Variants in CDH20 observed in about 807,000 individuals in gnomAD.
The protein encoded by CDH20 is cadherin 20.
CDH20 carries 29 observed loss-of-function variants against 74.2 expected under a neutral mutation model. That is an observed-to-expected ratio of 0.39 (90% CI 0.29 to 0.53). The LOEUF (loss-of-function observed/expected upper bound fraction) is 0.53, where lower values mean the gene tolerates loss of function less well. CDH20 is among the 20% of genes least tolerant of loss of function. The pLI, the probability that CDH20 is intolerant of heterozygous loss-of-function variation, is 0.69. For synonymous variants in CDH20, 469 were observed against 405.4 expected, an observed-to-expected ratio of 1.16 and a Z score of -1.88; for missense variants, 988 against 1,048.3, an observed-to-expected ratio of 0.94 and a Z score of 0.79.
intron 10 of CDH20, 75 bp from the exon 11 acceptor site, chr18:61,549,903 G>A: frequency 1.3e-6 from 2 of 1,488,160 alleles, no homozygotes; most frequent in South Asian, 1.2e-5. Context: ...CCCTGCCCCT[G>A]CCCCCTTGCT....
chr18:61,482,107 G>A (rs961435088), intron 1 of CDH20, among the ~76,000 whole-genome samples: 3 of 152,030 alleles, frequency 2.0e-5, no homozygotes, highest in Non-Finnish European at 4.4e-5. Flanking sequence ...ACCAGGACAG[G>A]GAAGCTGGAT....
intron 1 of CDH20, among the ~76,000 whole-genome samples, chr18:61,408,145 C>G (rs1912389954): frequency 6.6e-6 from 1 of 151,472 alleles, no homozygotes; most frequent in Non-Finnish European, 1.5e-5. Context: ...ATTTATGATA[C>G]TGAGTTAATA....
Position 61,442,384 on chromosome 18 carries a change from A to C in CDH20, c.-152-48018A>C, listed in dbSNP as rs78255887. On this transcript the variant is annotated intron_variant, in intron 1 of 11. Transcript: ENST00000262717. ...GAAAAAGAAAAGAAAAAAAAAAAAA[A>C]CAGAAGCAAATGCTGGTCATGAGGA... Among the ~76,000 whole-genome samples, 22 of 150,308 alleles carry C rather than the reference A, an allele frequency of 1.5e-4. 1 individual carries two copies. The highest frequency in any genetic ancestry group is 4.4e-4 in the African/African-American group (18 of 40,774).
At chr18:61,461,935 C>T (rs1342994813) in intron 1 of CDH20, among the ~76,000 whole-genome samples, 3 of 152,096 alleles carry the variant, frequency 2.0e-5, no homozygotes, top group Non-Finnish European at 4.4e-5. Flanking sequence ...TAAATAGTTA[C>T]GAAGTTGCAC....
chr18:61,453,729 T>C (rs1284704767), intron 1 of CDH20, among the ~76,000 whole-genome samples: 1 of 152,214 alleles, frequency 6.6e-6, no homozygotes, highest in Non-Finnish European at 1.5e-5. Context: ...AACTGGGTTG[T>C]TTCTAGTTTG....
chr18:61,405,273 A>G (rs1461411317), intron 1 of CDH20: 6 of 356,828 alleles, frequency 1.7e-5, no homozygotes, highest in African/African-American at 8.8e-5. Context: ...GGAGCGAGAA[A>G]GGCCATTGTC....
chr18:61,493,885 A>C (rs188049890), intron 2 of CDH20, among the ~76,000 whole-genome samples: 14 of 152,264 alleles, frequency 9.2e-5, no homozygotes, highest in African/African-American at 2.9e-4. Context: ...CCTCCTCCCA[A>C]GGGTAGAAAT....
intron 1 of CDH20, among the ~76,000 whole-genome samples, chr18:61,445,686 T>C (rs948386210): frequency 1.3e-5 from 2 of 152,226 alleles, no homozygotes; most frequent in Non-Finnish European, 2.9e-5. Flanking sequence ...GTTTAGTACA[T>C]TGCTAAAACC....
At position 61,554,451 on chromosome 18, in the gene CDH20, C is replaced by T. The variant is rs757927060; in HGVS notation, c.2162C>T (p.Thr721Ile). 1 of 1,613,358 alleles carries T rather than the reference C, an allele frequency of 6.2e-7. No homozygotes were observed. The highest frequency in any genetic ancestry group is 8.5e-7 in the Non-Finnish European group (1 of 1,179,932). Reference sequence around the variant, plus strand: ...CCTCAGACGTGCGCAGTGAACAGCACTGTCCACAGCTACGTGCTGGCCAAG... The same window carrying T: ...CCTCAGACGTGCGCAGTGAACAGCATTGTCCACAGCTACGTGCTGGCCAAG... ...YVPQTCAVNS[T>I]VHSYVLAKLY... is the part of the protein sequence containing the mutation. Residue 721 changes from threonine to isoleucine, a missense_variant, in exon 12 of 12, where the codon ACT (threonine) becomes ATT (isoleucine). By Grantham distance (89) the Thr-to-Ile change is moderately conservative (BLOSUM62 -1). Transcript: ENST00000262717.
chr18:61,551,501 C>T (rs1053370694), intron 11 of CDH20, among the ~76,000 whole-genome samples: 1 of 152,192 alleles, frequency 6.6e-6, no homozygotes, highest in Non-Finnish European at 1.5e-5. Flanking sequence ...GTGCAATGTG[C>T]TTCTCAAAAT....
chr18:61,488,547 CTG>C (rs1444162572), intron 1 of CDH20, among the ~76,000 whole-genome samples: 2 of 152,102 alleles, frequency 1.3e-5, no homozygotes, highest in African/African-American at 4.8e-5. Context: ...GATGAGGAAA[CTG>C]AAATTCATAC....
At chr18:61,509,418 T>TGAGGAAAGCGTTCC (rs1316006338) in intron 6 of CDH20, among the ~76,000 whole-genome samples, 6 of 152,036 alleles carry the variant, frequency 3.9e-5, no homozygotes, top group Admixed American at 1.3e-4. Context: ...CATGAACTAT[T>TGAGGAAAGCGTTCC]GAGGAAAGCG....
chr18:61,361,816 A>G (rs1188200260), intron 1 of CDH20, among the ~76,000 whole-genome samples: 1 of 152,214 alleles, frequency 6.6e-6, no homozygotes, highest in Non-Finnish European at 1.5e-5. Flanking sequence ...AACATAATAG[A>G]TTAGAAAATA....
At position 61,499,265 on chromosome 18, in the gene CDH20, TC is replaced by T. The variant is rs1274961834; in HGVS notation, c.327del (p.Ile109MetfsTer24). On this transcript the variant is annotated frameshift_variant, in exon 3 of 12. Coordinates refer to ENST00000262717, the MANE Select transcript of CDH20 (RefSeq NM_031891.4). LOFTEE classifies it high-confidence loss of function. ...GAAGGTGCTGGCATCGTGTTTACCA[TC>T]GACGACACCACTGGAGACATCCACG... is the stretch of plus-strand genomic sequence containing the variant. ...SGEGAGIVFT[I>X]DDTTGDIHAI... 6.2e-7 allele frequency: 1 copy of T among 1,613,766 alleles called. No homozygotes were observed.
rs1912825437 is a variant in CDH20 at position 61,536,576 on chromosome 18, T to C, written c.1355T>C (p.Leu452Pro). 6.2e-7 allele frequency: 1 copy of C among 1,613,816 alleles called. No homozygotes were observed. The highest frequency in any genetic ancestry group is 8.5e-7 in the Non-Finnish European group (1 of 1,179,832). ...TTGALMTARP[L>P]DREEFSWHNI... Reference sequence around the variant, plus strand: ...GGTGCCCTAATGACAGCAAGACCCCTAGACCGGGAAGAATTTTCTTGGCAT... The same window carrying C: ...GGTGCCCTAATGACAGCAAGACCCCCAGACCGGGAAGAATTTTCTTGGCAT... Residue 452 changes from leucine to proline, a missense_variant, in exon 8 of 12, where the codon CTA (leucine) becomes CCA (proline). Coordinates refer to ENST00000262717, the MANE Select transcript of CDH20 (RefSeq NM_031891.4).
intron 1 of CDH20, among the ~76,000 whole-genome samples, chr18:61,366,505 C>T (rs1022765053): frequency 6.6e-6 from 1 of 151,938 alleles, no homozygotes; most frequent in Non-Finnish European, 1.5e-5. Flanking sequence ...TTACATAAAT[C>T]CTTATTCTTT....
chr18:61,510,212 G>A (rs2144335318), intron 6 of CDH20, among the ~76,000 whole-genome samples: 1 of 152,272 alleles, frequency 6.6e-6, no homozygotes, highest in East Asian at 1.9e-4. Context: ...AAAAAGGACA[G>A]TGAAACGAGC....
chr18:61,431,662 C>G (rs1304530128), intron 1 of CDH20, among the ~76,000 whole-genome samples: 8 of 103,418 alleles, frequency 7.7e-5, no homozygotes, highest in Non-Finnish European at 1.7e-4. Flanking sequence ...TAAATGATAG[C>G]CCTATTATTT....
rs1246136596 is a variant in CDH20 at position 61,554,775 on chromosome 18, C to G, written c.*80C>G. 7 of 1,470,462 alleles carry G rather than the reference C, an allele frequency of 4.8e-6. No individual in the cohort carries two copies. Among genetic ancestry groups the G allele is most frequent in the Admixed American group, 2.2e-5 (1 of 45,818 alleles). The allele number at this position is 1,470,462 out of a possible 1,614,324, so 91.1% of individuals were successfully genotyped here. On this transcript the variant is annotated 3_prime_UTR_variant, in exon 12 of 12. Coordinates refer to ENST00000262717, the MANE Select transcript of CDH20 (RefSeq NM_031891.4). ...CGCGGACAAGGTGCAGCCAACCACA[C>G]GAGCAATACTGTGCTGGAGAGTGAG...
Sources: gnomAD v4.1 joint callset for allele counts (sites outside exome capture counted in the v4.1 genomes callset) on GRCh38, gnomAD v4.1.1 for gene constraint, MANE v1.5 for transcripts, NCBI Gene and HGNC (gene_info 2026-07-23, HGNC 2026-07-21) for gene names.